IGSF1: variants seen among roughly 807,000 people sequenced by gnomAD.
IGSF1 encodes immunoglobulin-like domain-containing protein 1.
A neutral mutation model predicts 95.3 loss-of-function variants in IGSF1; 40 were observed. The observed-to-expected ratio is 0.42, with a 90% CI of 0.33 to 0.55. The LOEUF (loss-of-function observed/expected upper bound fraction) is 0.55, where lower values mean the gene tolerates loss of function less well. Among genes scored for constraint, IGSF1 ranks in the 20% least tolerant of loss-of-function variants. The pLI is 0.10. For synonymous variants in IGSF1, 372 were observed against 382.9 expected (o/e 0.97, Z 0.33); for missense variants, 906 against 1,025.4 (o/e 0.88, Z 1.59).
chrX:131,279,385 G>A (rs758448854), intron 9 of IGSF1, 44 bp from the exon 10 acceptor site: 3 of 1,111,352 alleles, frequency 2.7e-6, no homozygotes, highest in African/African-American at 1.8e-5. Flanking sequence ...CTGGGATGAG[G>A]GGGAGGGTGG....
At chrX:131,276,907 C>T in intron 14 of IGSF1, 32 bp downstream of exon 14, 1 of 1,189,915 alleles carries the variant, frequency 8.4e-7, no homozygotes, top group Non-Finnish European at 1.1e-6. Flanking sequence ...CCAGGGTTGG[C>T]ACCACCTCTA....
At position 131,273,589 on chromosome X, in the gene IGSF1, G is replaced by A; in HGVS notation, c.*207C>T. On this transcript the variant is annotated 3_prime_UTR_variant, in exon 20 of 20. Coordinates refer to ENST00000361420, the MANE Select transcript of IGSF1 (RefSeq NM_001555.5). ...TTTCATGCGCCAGTAAATCAGTACA[G>A]TGAGGAGTTACAGGGGTGGGGAACC... The A allele has an allele frequency of 2.4e-6, 1 of 422,361 alleles. No individual in the cohort carries two copies. Among genetic ancestry groups the A allele is most frequent in the Non-Finnish European group, 4.2e-6 (1 of 240,631 alleles). 34.8% of individuals were successfully genotyped at this position (422,361 alleles called of 1,213,427 possible). A position where few individuals can be genotyped will look rare whatever the true frequency, so the allele number is the denominator to read the frequency against.
chrX:131,277,819 C>T (rs770478924), intron 13 of IGSF1, 37 bp downstream of exon 13: 4 of 1,185,125 alleles, frequency 3.4e-6, no homozygotes, highest in East Asian at 3.0e-5. Context: ...TTCCCTCCAC[C>T]CTGCCCCCTT....
In IGSF1 at chrX:131,283,026, T is replaced by C; in HGVS notation, c.906A>G (p.Ser302=). Residue 302 remains serine (S), a synonymous_variant, in exon 6 of 20, where the codon TCA becomes TCG. Transcript: ENST00000361420. The stretch of plus-strand genomic sequence containing the variant: ...CATCACTAAGGAGTGAACCTCTATA[T>C]GATGCGTCATAGTAAAAACAGAGGT... The part of the protein sequence containing the change: ...GHYLCFYYDA[S]YRGSLLSDVL... 2 of 1,206,426 alleles carry C rather than the reference T, an allele frequency of 1.7e-6. No individual in the cohort carries two copies. Among genetic ancestry groups the C allele is most frequent in the Non-Finnish European group, 2.2e-6 (2 of 890,392 alleles).
chrX:131,279,888 C>G (rs180879395), intron 9 of IGSF1, among the ~76,000 whole-genome samples: 1 of 111,757 alleles, frequency 8.9e-6, no homozygotes, highest in East Asian at 2.8e-4. Flanking sequence ...TTGGCAGTGC[C>G]GAGCCAAGCT....
intron 5 of IGSF1, chrX:131,284,617 A>G: frequency 2.7e-6 from 2 of 750,916 alleles, no homozygotes; most frequent in Non-Finnish European, 3.1e-6. Flanking sequence ...AATTTCTTCT[A>G]TATTTAGAGA....
intron 9 of IGSF1, among the ~76,000 whole-genome samples, chrX:131,279,554 TC>T (rs963264534): frequency 9.4e-6 from 1 of 106,081 alleles, no homozygotes; most frequent in African/African-American, 3.5e-5. Context: ...GACCCACGTG[TC>T]CCCCCCGCCC....
At chrX:131,280,004 T>G (rs1054774628) in intron 9 of IGSF1, among the ~76,000 whole-genome samples, 1 of 111,926 alleles carries the variant, frequency 8.9e-6, no homozygotes, top group Non-Finnish European at 1.9e-5. Context: ...CCAAAATCCA[T>G]CGGACAATTT....
chrX:131,289,286 T>A lies in IGSF1; in HGVS notation c.-140A>T, dbSNP rs777652996. On this transcript the variant is annotated 5_prime_UTR_variant, in exon 1 of 20. An upstream start codon of the reference 5' UTR is lost. Coordinates refer to ENST00000361420, the MANE Select transcript of IGSF1 (RefSeq NM_001555.5). Reference sequence around the variant, plus strand: ...TCCAGATGCAGCAAACTGCCCGGCATGAGAAGAGCTGTCTAAGGACAGCCT... The same window carrying A: ...TCCAGATGCAGCAAACTGCCCGGCAAGAGAAGAGCTGTCTAAGGACAGCCT... The A allele has an allele frequency of 8.0e-6, 3 of 373,709 alleles. No individual in the cohort carries two copies. Among genetic ancestry groups the A allele is most frequent in the East Asian group, 7.5e-5 (1 of 13,294 alleles). 30.8% of individuals were successfully genotyped at this position (373,709 alleles called of 1,213,427 possible).
intron 13 of IGSF1, 188 bp from the exon 14 acceptor site, chrX:131,277,414 C>A: frequency 4.5e-6 from 2 of 441,292 alleles, no homozygotes; most frequent in South Asian, 7.6e-5. Context: ...AGGGACCCTT[C>A]AACCCCACCC....
intron 1 of IGSF1, among the ~76,000 whole-genome samples, chrX:131,288,470 G>T (rs1331202859): frequency 9.1e-6 from 1 of 110,492 alleles, no homozygotes; most frequent in Non-Finnish European, 1.9e-5. Flanking sequence ...GGGGAAGCCA[G>T]GTTCCACTGC....
At chrX:131,287,946 G>C (rs1489231028) in intron 1 of IGSF1, among the ~76,000 whole-genome samples, 1 of 111,850 alleles carries the variant, frequency 8.9e-6, no homozygotes, top group Non-Finnish European at 1.9e-5. Flanking sequence ...TCCCAGAATA[G>C]AGAAAGGAAC....
At chrX:131,280,734 G>T (rs1303705657) in intron 9 of IGSF1, among the ~76,000 whole-genome samples, 1 of 111,392 alleles carries the variant, frequency 9.0e-6, no homozygotes, top group Non-Finnish European at 1.9e-5. Flanking sequence ...GTGGTTGGAG[G>T]CCACAGTGTC....
rs1467937056 is a variant in IGSF1 at position 131,273,571 on chromosome X, C to T, written c.*225G>A. The T allele has an allele frequency of 8.5e-5, 29 of 342,233 alleles. No individual in the cohort carries two copies. The highest frequency in any genetic ancestry group is 5.7e-4 in the South Asian group (6 of 10,454). The allele number at this position is 342,233 out of a possible 1,213,427, so 28.2% of individuals were successfully genotyped here. A position where few individuals can be genotyped will look rare whatever the true frequency, so the allele number is the denominator to read the frequency against. Reference sequence around the variant, plus strand: ...AATGCATTTTTAATAGAATTTCATGCGCCAGTAAATCAGTACAGTGAGGAG... The same window carrying T: ...AATGCATTTTTAATAGAATTTCATGTGCCAGTAAATCAGTACAGTGAGGAG... On this transcript the variant is annotated 3_prime_UTR_variant, in exon 20 of 20. Coordinates refer to ENST00000361420, the MANE Select transcript of IGSF1 (RefSeq NM_001555.5).
In IGSF1 at chrX:131,285,206, T is replaced by C. The variant is rs2080616608; in HGVS notation, c.640A>G (p.Ser214Gly). 8.3e-7 allele frequency: 1 copy of C among 1,200,445 alleles called. No homozygotes were observed. Among genetic ancestry groups the C allele is most frequent in the Non-Finnish European group, 1.1e-6 (1 of 888,996 alleles). ...GCTACAACCAGCTTCAGGGGGTTGC[T>C]GGGCTCTGACCACAGGGTGGGGAGC... is the stretch of plus-strand genomic sequence containing the variant. ...QMLPTLWSEP[S>G]NPLKLVVAGL... Residue 214 changes from serine to glycine, a missense_variant, in exon 5 of 20, where the codon AGC becomes GGC. By Grantham distance (56) the Ser-to-Gly change is moderately conservative. Transcript: ENST00000361420.
At position 131,275,024 on chromosome X, in the gene IGSF1, A is replaced by C; in HGVS notation, c.3447T>G (p.Ser1149Arg). ...DSTPFAASNH[S>R]DSLEIWVTDK... ...CAGTCACCCAGATCTCCAGGGAGTC[A>C]CTGTGATTTGAAGCTGCAAAGGGAG... The change falls in exon 17 of 20, where the codon AGT (serine) becomes AGG (arginine). Residue 1149 changes from serine (S) to arginine (R), a missense_variant. This residue lies in a region of IGSF1 where 411 missense variants were observed against 494.9 expected (regional missense o/e 0.83). Transcript: ENST00000361420. 8.3e-7 allele frequency: 1 copy of C among 1,211,757 alleles called. No individual in the cohort carries two copies. Among genetic ancestry groups the C allele is most frequent in the Non-Finnish European group, 1.1e-6 (1 of 895,225 alleles).
Position 131,276,981 on chromosome X carries a change from T to G in IGSF1, c.2566A>C (p.Ile856Leu). Residue 856 changes from isoleucine (I) to leucine (L), a missense_variant, in exon 14 of 20, where the codon ATC (isoleucine) becomes CTC (leucine). By Grantham distance (5) the Ile-to-Leu change is conservative (BLOSUM62 2). Transcript: ENST00000361420. ...NYSCRYYDFS[I>L]WSEPSDPVEL... ...ACAGGGTCGCTGGGCTCAGACCAGA[T>G]AGAAAAGTCATAATATCGGCAGCTG... is the stretch of plus-strand genomic sequence containing the variant. The G allele has an allele frequency of 8.3e-7, 1 of 1,211,278 alleles. No homozygotes were observed. Among genetic ancestry groups the G allele is most frequent in the Non-Finnish European group, 1.1e-6 (1 of 895,261 alleles).
intron 9 of IGSF1, among the ~76,000 whole-genome samples, chrX:131,280,229 C>T (rs1470935861): frequency 3.6e-5 from 4 of 110,207 alleles, no homozygotes; most frequent in African/African-American, 1.3e-4. Flanking sequence ...AGAAGTAGAA[C>T]TTGACCCCTG....
At chrX:131,277,603 A>T (rs1267143649) in intron 13 of IGSF1, 5 of 388,917 alleles carry the variant, frequency 1.3e-5, no homozygotes, top group Non-Finnish European at 2.2e-5. Flanking sequence ...GAAGTGAGAT[A>T]ATTGATGTGA....
Sources: allele counts gnomAD v4.1 joint callset (sites outside exome capture counted in the v4.1 genomes callset), GRCh38; gene constraint gnomAD v4.1.1; regional missense constraint gnomAD v4.1.1; transcripts MANE v1.5; gene names NCBI Gene and HGNC (gene_info 2026-07-23, HGNC 2026-07-21).